Variants in PAPPA2 observed in about 807,000 individuals in gnomAD.
PAPPA2 encodes the protein pappalysin-2.
Under a neutral mutation model 176.4 loss-of-function variants are expected in PAPPA2, and 86 were observed. The ratio of observed to expected loss-of-function variants is 0.49; its 90% CI spans 0.41 to 0.58. The LOEUF (loss-of-function observed/expected upper bound fraction) is 0.58. Among genes scored for constraint, PAPPA2 ranks in the 20% least tolerant of loss-of-function variants. The pLI, the probability that PAPPA2 is intolerant of heterozygous loss-of-function variation, is 0.00. For missense variants in PAPPA2, 2,073 were observed against 2,256.9 expected (o/e 0.92, Z 1.65); for synonymous variants, 809 against 852.2 (o/e 0.95, Z 0.88).
At chr1:176,664,935 A>C (rs1419992455) in intron 3 of PAPPA2, among the ~76,000 whole-genome samples, 12 of 152,104 alleles carry the variant, frequency 7.9e-5, no homozygotes, top group African/African-American at 2.9e-4. Context: ...ATTCACCACT[A>C]TGTCTCTTCT....
At chr1:176,767,225 G>C (rs764498602) in intron 15 of PAPPA2, among the ~76,000 whole-genome samples, 26 of 152,138 alleles carry the variant, frequency 1.7e-4, no homozygotes, top group Admixed American at 3.9e-4. Flanking sequence ...GTGAAGAAGG[G>C]GAGAGAAGAA....
At chr1:176,768,828 A>T (rs1664092513) in intron 15 of PAPPA2, among the ~76,000 whole-genome samples, 1 of 152,188 alleles carries the variant, frequency 6.6e-6, no homozygotes, top group African/African-American at 2.4e-5. Context: ...GGTTTGGAAG[A>T]TGCCTTGTAT....
At chr1:176,751,248 G>A (rs563841260) in intron 14 of PAPPA2, among the ~76,000 whole-genome samples, 1 of 149,976 alleles carries the variant, frequency 6.7e-6, no homozygotes, top group East Asian at 1.9e-4. Flanking sequence ...CTGTAGCCTT[G>A]TAGTATAGTT....
chr1:176,604,551 C>T (rs1056651101), intron 3 of PAPPA2, among the ~76,000 whole-genome samples: 5 of 152,178 alleles, frequency 3.3e-5, no homozygotes, highest in Non-Finnish European at 5.9e-5. Flanking sequence ...CACTTGTTTA[C>T]ATATTGTCTA....
intron 14 of PAPPA2, among the ~76,000 whole-genome samples, chr1:176,741,938 T>C (rs923070010): frequency 6.6e-6 from 1 of 152,176 alleles, no homozygotes; most frequent in African/African-American, 2.4e-5. Flanking sequence ...CCCTGAAACA[T>C]GTGTTCTTGG....
At chr1:176,648,932 T>G (rs1160578301) in intron 3 of PAPPA2, among the ~76,000 whole-genome samples, 3 of 151,486 alleles carry the variant, frequency 2.0e-5, no homozygotes, top group Non-Finnish European at 4.4e-5. Context: ...TGATGTTGGG[T>G]AAGGCTGGCC....
At chr1:176,538,677 G>A (rs1366458569) in intron 1 of PAPPA2, among the ~76,000 whole-genome samples, 1 of 151,974 alleles carries the variant, frequency 6.6e-6, no homozygotes, top group Non-Finnish European at 1.5e-5. Flanking sequence ...TCCACCCATG[G>A]TGGCCCAAGT....
Position 176,481,332 on chromosome 1 carries a change from G to A in PAPPA2, c.-917+17914G>A, listed in dbSNP as rs1054458477. 5.3e-5 allele frequency among the ~76,000 whole-genome samples: 8 copies of A among 151,228 alleles called. No homozygotes were observed. In the South Asian group the frequency reaches 8.4e-4, roughly 16 times the overall value. On this transcript the variant is annotated intron_variant, in intron 1 of 22. Transcript: ENST00000367662. ...GCACCTTTTTGGCAACAGGGCCATC[G>A]TGCTGTCCTCCTATGCCGGGGCCTT...
Position 176,842,908 on chromosome 1 carries a change from C to T in PAPPA2, c.*454C>T, listed in dbSNP as rs1667538811. 1 of 152,480 alleles carries T rather than the reference C, an allele frequency of 6.6e-6. No individual in the cohort carries two copies. 9.4% of individuals were successfully genotyped at this position (152,480 alleles called of 1,614,324 possible). A position where few individuals can be genotyped will look rare whatever the true frequency, so the allele number is the denominator to read the frequency against. ...TGGATTGCCATCTTTCAGAGCTTGT[C>T]TGCTCTCAACTGGCTCTTTTTCTTT... On this transcript the variant is annotated 3_prime_UTR_variant, in exon 23 of 23. Coordinates refer to ENST00000367662, the MANE Select transcript of PAPPA2 (RefSeq NM_020318.3).
intron 2 of PAPPA2, among the ~76,000 whole-genome samples, chr1:176,560,563 G>A (rs1464229600): frequency 2.0e-5 from 3 of 152,194 alleles, no homozygotes; most frequent in Non-Finnish European, 4.4e-5. Context: ...TAGCTAGTCA[G>A]GGGCCTGGCA....
At chr1:176,505,957 G>T (rs978286011) in intron 1 of PAPPA2, among the ~76,000 whole-genome samples, 4 of 152,196 alleles carry the variant, frequency 2.6e-5, no homozygotes, top group African/African-American at 7.2e-5. Context: ...AAGATACTCA[G>T]ATTTTAAGCA....
chr1:176,831,242 G>A (rs1441963983), intron 21 of PAPPA2, among the ~76,000 whole-genome samples: 2 of 152,128 alleles, frequency 1.3e-5, no homozygotes, highest in Non-Finnish European at 2.9e-5. Flanking sequence ...TAACAGGTGA[G>A]GGAAGAGATA....
chr1:176,533,011 C>T (rs2102554752), intron 1 of PAPPA2, among the ~76,000 whole-genome samples: 1 of 152,340 alleles, frequency 6.6e-6, no homozygotes, highest in Non-Finnish European at 1.5e-5. Context: ...TATTTGATTC[C>T]TCTCTGCAGC....
chr1:176,612,381 G>A (rs1038331654), intron 3 of PAPPA2, among the ~76,000 whole-genome samples: 2 of 151,778 alleles, frequency 1.3e-5, no homozygotes, highest in East Asian at 1.9e-4. Flanking sequence ...GTGACGGAGC[G>A]AGACCCTGTC....
intron 12 of PAPPA2, among the ~76,000 whole-genome samples, chr1:176,715,507 C>T (rs1374622988): frequency 2.0e-5 from 3 of 152,090 alleles, no homozygotes; most frequent in South Asian, 4.2e-4. Flanking sequence ...CAACTGGGCT[C>T]GTTTCTGTTT....
Position 176,799,978 on chromosome 1 carries a change from G to A in PAPPA2, c.5131-83G>A, listed in dbSNP as rs1665606229. ...GCTTGAGAAATGGAGTTGGACTCCT[G>A]TGGTGAGCTCAGGATTTGCCCCTTC... On this transcript the variant is annotated intron_variant, in intron 20 of 22. Coordinates refer to ENST00000367662, the MANE Select transcript of PAPPA2 (RefSeq NM_020318.3). 6 of 1,397,348 alleles carry A rather than the reference G, an allele frequency of 4.3e-6. No individual in the cohort carries two copies. The Admixed American group carries it at 6.8e-5, about 16-fold the overall frequency. 86.6% of individuals were successfully genotyped at this position (1,397,348 alleles called of 1,614,324 possible).
chr1:176,669,965 G>T (rs1186828562), intron 3 of PAPPA2, among the ~76,000 whole-genome samples: 2 of 152,088 alleles, frequency 1.3e-5, no homozygotes, highest in Non-Finnish European at 2.9e-5. Flanking sequence ...AACCTATGTT[G>T]CCAGGCTGTC....
intron 3 of PAPPA2, among the ~76,000 whole-genome samples, chr1:176,609,453 C>T (rs1254720149): frequency 6.6e-6 from 1 of 151,992 alleles, no homozygotes; most frequent in Non-Finnish European, 1.5e-5. Flanking sequence ...GGAAATTCAG[C>T]AGAATAAGGG....
chr1:176,513,158 TATCATCATCATC>T (rs66771117), intron 1 of PAPPA2, among the ~76,000 whole-genome samples: 6 of 149,662 alleles, frequency 4.0e-5, no homozygotes, highest in African/African-American at 9.9e-5. Flanking sequence ...CATTTCTGTC[TATCATCATCATC>T]ATCATCATCA....
Sources: gnomAD v4.1 joint callset for allele counts (sites outside exome capture counted in the v4.1 genomes callset) on GRCh38, gnomAD v4.1.1 for gene constraint, MANE v1.5 for transcripts, NCBI Gene and HGNC (gene_info 2026-07-23, HGNC 2026-07-21) for gene names.